The following ITGA9 variants were observed in gnomAD, a reference collection of about 807,000 sequenced individuals.
ITGA9 encodes the protein integrin subunit alpha 9, also known as integrin alpha-9.
Under a neutral mutation model 127.8 loss-of-function variants are expected in ITGA9, and 56 were observed. The ratio of observed to expected loss-of-function variants is 0.44; its 90% CI spans 0.35 to 0.55. The LOEUF (loss-of-function observed/expected upper bound fraction) is 0.55. Ranked by LOEUF, ITGA9 falls within the 20% of genes least tolerant of loss-of-function variation. The probability of loss-of-function intolerance (pLI) is 0.00; values close to 1 mark genes in which losing one functional copy is unlikely to be tolerated. For synonymous variants in ITGA9, 508 were observed against 514.5 expected (o/e 0.99, Z 0.17); for missense variants, 1,196 against 1,347.1 (o/e 0.89, Z 1.76).
chr3:37,712,518 T>C (rs754558157), intron 18 of ITGA9, among the ~76,000 whole-genome samples: 2 of 152,326 alleles, frequency 1.3e-5, no homozygotes, highest in South Asian at 2.1e-4. Context: ...TAAATTGGTG[T>C]AGGTAAAAGA....
At chr3:37,482,285 C>T (rs931670707) in intron 4 of ITGA9, among the ~76,000 whole-genome samples, 19 of 152,188 alleles carry the variant, frequency 1.2e-4, no homozygotes, top group African/African-American at 2.7e-4. Flanking sequence ...AAGAGCTCCT[C>T]GCCAAGGGGC....
At chr3:37,744,821 G>C (rs75907174) in intron 22 of ITGA9, among the ~76,000 whole-genome samples, 1 of 152,316 alleles carries the variant, frequency 6.6e-6, no homozygotes. Context: ...TTTGAATTTC[G>C]TATAATTTTC....
At chr3:37,690,627 C>G (rs932903906) in intron 18 of ITGA9, among the ~76,000 whole-genome samples, 3 of 152,166 alleles carry the variant, frequency 2.0e-5, no homozygotes, top group African/African-American at 7.2e-5. Flanking sequence ...TCCCAGCTGA[C>G]TTTTGGGTGC....
intron 17 of ITGA9, among the ~76,000 whole-genome samples, chr3:37,677,842 G>A (rs1700697321): frequency 6.6e-6 from 1 of 152,250 alleles, no homozygotes; most frequent in Non-Finnish European, 1.5e-5. Context: ...ATTTCACATT[G>A]CAGGGGCTAT....
intron 15 of ITGA9, among the ~76,000 whole-genome samples, chr3:37,575,400 A>T (rs936406985): frequency 1.3e-5 from 2 of 152,150 alleles, no homozygotes; most frequent in Admixed American, 6.5e-5. Flanking sequence ...ATTTAAGAGT[A>T]AATAAAGGTA....
chr3:37,627,137 G>C (rs145664871), intron 15 of ITGA9, among the ~76,000 whole-genome samples: 20 of 152,214 alleles, frequency 1.3e-4, no homozygotes, highest in Admixed American at 5.9e-4. Flanking sequence ...TTGTCCAAAG[G>C]CTCCCCTATC....
intron 6 of ITGA9, 72 bp from the exon 7 acceptor site, chr3:37,505,928 C>T (rs1463099611): frequency 3.4e-5 from 38 of 1,126,834 alleles, no homozygotes; most frequent in Non-Finnish European, 5.3e-6. Context: ...AAACATTTTC[C>T]TCTGATGGAT....
chr3:37,672,516 G>A (rs1700646819), intron 17 of ITGA9, among the ~76,000 whole-genome samples: 1 of 152,160 alleles, frequency 6.6e-6, no homozygotes, highest in Admixed American at 6.5e-5. Flanking sequence ...AAATTACCCA[G>A]TCTCAAGTAT....
chr3:37,477,451 G>C (rs1698505370), intron 3 of ITGA9, among the ~76,000 whole-genome samples: 1 of 152,252 alleles, frequency 6.6e-6, no homozygotes, highest in African/African-American at 2.4e-5. Context: ...GCAAGGACCA[G>C]ATTGTCAGGC....
intron 4 of ITGA9, among the ~76,000 whole-genome samples, chr3:37,487,876 A>G (rs1008709398): frequency 2.0e-5 from 3 of 152,146 alleles, no homozygotes; most frequent in African/African-American, 7.2e-5. Flanking sequence ...TTTTTGGGAC[A>G]CTACACTATA....
intron 15 of ITGA9, among the ~76,000 whole-genome samples, chr3:37,619,576 G>T (rs186350450): frequency 1.2e-4 from 18 of 152,344 alleles, no homozygotes; most frequent in Admixed American, 3.3e-4. Flanking sequence ...GCCAGCTAGG[G>T]AATGGGGCAG....
intron 25 of ITGA9, among the ~76,000 whole-genome samples, chr3:37,783,081 G>C (rs532076933): frequency 6.6e-6 from 1 of 152,106 alleles, no homozygotes; most frequent in East Asian, 1.9e-4. Context: ...GGAGGTTGCA[G>C]TGAGCCAAGA....
intron 18 of ITGA9, among the ~76,000 whole-genome samples, chr3:37,689,295 G>C (rs138444982): frequency 2.0e-5 from 3 of 152,348 alleles, no homozygotes; most frequent in Admixed American, 6.5e-5. Flanking sequence ...AGGGAAGGCT[G>C]CTTATAAAAA....
chr3:37,480,394 G>A (rs543635714), intron 3 of ITGA9, among the ~76,000 whole-genome samples: 3 of 152,244 alleles, frequency 2.0e-5, no homozygotes, highest in South Asian at 2.1e-4. Flanking sequence ...CATCTTCTTC[G>A]CCAGTATGCG....
chr3:37,542,237 C>G (rs1699280030), intron 14 of ITGA9, among the ~76,000 whole-genome samples, 188 bp from the exon 15 acceptor site: 1 of 152,126 alleles, frequency 6.6e-6, no homozygotes, highest in African/African-American at 2.4e-5. Flanking sequence ...ATGCTTCTCT[C>G]TCGATTCTTT....
At chr3:37,621,184 T>C (rs1244289466) in intron 15 of ITGA9, among the ~76,000 whole-genome samples, 1 of 152,244 alleles carries the variant, frequency 6.6e-6, no homozygotes, top group Non-Finnish European at 1.5e-5. Context: ...TTCTCTCTTG[T>C]CTGCTGCCAT....
Position 37,818,884 on chromosome 3 carries a change from C to G in ITGA9, c.3010-7C>G, listed in dbSNP as rs780185079. 7.5e-6 allele frequency: 12 copies of G among 1,608,772 alleles called. No homozygotes were observed. The South Asian group carries it at 1.2e-4, about 16-fold the overall frequency. ...TAACTCAGCTTCTCTTTCTTTCTGCCTTTCAGATGGGCTTCTTTCGCCGAA... is the reference window on the plus strand; with the variant it reads ...TAACTCAGCTTCTCTTTCTTTCTGCGTTTCAGATGGGCTTCTTTCGCCGAA... On this transcript the variant is annotated splice_polypyrimidine_tract_variant and splice_region_variant and intron_variant, in intron 27 of 27. Transcript: ENST00000264741.
At chr3:37,572,029 C>T (rs1023156560) in intron 15 of ITGA9, among the ~76,000 whole-genome samples, 2 of 151,934 alleles carry the variant, frequency 1.3e-5, no homozygotes, top group Non-Finnish European at 2.9e-5. Context: ...TTTGGTAGCC[C>T]GTTGAGTTTT....
At chr3:37,809,063 G>A (rs954103439) in intron 27 of ITGA9, among the ~76,000 whole-genome samples, 2 of 150,816 alleles carry the variant, frequency 1.3e-5, no homozygotes, top group African/African-American at 4.9e-5. Flanking sequence ...CATACATGAT[G>A]TTCGAAATAT....
Sources: allele counts gnomAD v4.1 joint callset (sites outside exome capture counted in the v4.1 genomes callset), GRCh38; gene constraint gnomAD v4.1.1; transcripts MANE v1.5; gene names NCBI Gene and HGNC (gene_info 2026-07-23, HGNC 2026-07-21).